USP26: variants seen among roughly 807,000 people sequenced by gnomAD.
USP26 encodes the protein ubiquitin specific peptidase 26.
For synonymous variants in USP26, 236 were observed against 240.6 expected (o/e 0.98, Z 0.18); for missense variants, 649 against 642.3 (o/e 1.01, Z -0.11).
chrX:133,050,080 T>G (rs1302338911), intron 5 of USP26, among the ~76,000 whole-genome samples: 2 of 112,646 alleles, frequency 1.8e-5, no homozygotes, highest in South Asian at 7.3e-4. Context: ...ATTCCTTTTA[T>G]TCTAACTAAC....
chrX:133,035,145 A>G (rs1330960230), intron 5 of USP26, among the ~76,000 whole-genome samples: 2 of 111,813 alleles, frequency 1.8e-5, no homozygotes, highest in Non-Finnish European at 3.8e-5. Context: ...TGGTTAAGTC[A>G]TGATACTGAA....
chrX:133,040,083 G>A (rs2067412883), intron 5 of USP26, among the ~76,000 whole-genome samples: 1 of 111,399 alleles, frequency 9.0e-6, no homozygotes, highest in African/African-American at 3.3e-5. Flanking sequence ...GCCTATGTGT[G>A]TCTTTGCATG....
At chrX:133,045,612 C>T (rs188733042) in intron 5 of USP26, among the ~76,000 whole-genome samples, 34 of 111,704 alleles carry the variant, frequency 3.0e-4, no homozygotes, top group East Asian at 8.5e-4. Flanking sequence ...CCGGGAGGAA[C>T]GAACAACTCC....
intron 5 of USP26, among the ~76,000 whole-genome samples, chrX:133,049,847 T>C (rs1208965914): frequency 8.9e-6 from 1 of 112,233 alleles, no homozygotes; most frequent in Non-Finnish European, 1.9e-5. Flanking sequence ...CACAAGGTGA[T>C]TAATGATGTC....
intron 1 of USP26, among the ~76,000 whole-genome samples, chrX:133,094,410 C>CTTTT (rs150988266): frequency 4.0e-5 from 4 of 100,531 alleles, no homozygotes; most frequent in East Asian, 3.1e-4. Context: ...AAATAGAAAC[C>CTTTT]TTTTTTTTTT....
intron 4 of USP26, among the ~76,000 whole-genome samples, chrX:133,087,011 T>A (rs1462247537): frequency 9.1e-6 from 1 of 110,171 alleles, no homozygotes; most frequent in Non-Finnish European, 1.9e-5. Flanking sequence ...AGCTGGGTAA[T>A]TATTGTATCT....
At chrX:133,038,081 T>G (rs938323744) in intron 5 of USP26, among the ~76,000 whole-genome samples, 4 of 111,298 alleles carry the variant, frequency 3.6e-5, no homozygotes, top group Non-Finnish European at 7.5e-5. Flanking sequence ...GAAAATGGGG[T>G]TTTCTAAATA....
chrX:133,027,614 A>G lies in USP26; in HGVS notation c.607T>C (p.Tyr203His). 1 of 1,210,542 alleles carries G rather than the reference A, an allele frequency of 8.3e-7. No homozygotes were observed. The highest frequency in any genetic ancestry group is 1.8e-5 in the South Asian group (1 of 56,886). Reference sequence around the variant, plus strand: ...GAACAATCTGCCTTGGATTTCTTGTATTCTACAGAATTATTTTCTTTCAAG... The same window carrying G: ...GAACAATCTGCCTTGGATTTCTTGTGTTCTACAGAATTATTTTCTTTCAAG... ...EFLKENNSVEYKKSKADCSRC... is the reference protein window; with the variant it reads ...EFLKENNSVEHKKSKADCSRC... Residue 203 changes from tyrosine to histidine, a missense_variant, in exon 6 of 6, where the codon TAC becomes CAC. Physicochemically the swap from Tyr to His is moderately conservative, Grantham distance 83 (BLOSUM62 2). Coordinates refer to ENST00000511190, the MANE Select transcript of USP26 (RefSeq NM_031907.3).
chrX:133,095,965 G>A (rs1022009949), intron 1 of USP26, among the ~76,000 whole-genome samples: 8 of 107,170 alleles, frequency 7.5e-5, no homozygotes, highest in African/African-American at 2.7e-4. Flanking sequence ...GGCTAGTCTC[G>A]AACTCCTGAC....
intron 5 of USP26, among the ~76,000 whole-genome samples, chrX:133,048,008 T>C (rs887586483): frequency 2.7e-5 from 3 of 111,958 alleles, no homozygotes; most frequent in Non-Finnish European, 5.6e-5. Flanking sequence ...CCTCCCAATC[T>C]GTTTTTCCAC....
chrX:133,095,093 CAAAAAA>C lies in USP26; in HGVS notation c.-393+1931_-393+1936del, dbSNP rs35394795. 3.6e-3 allele frequency among the ~76,000 whole-genome samples: 186 copies of C among 51,228 alleles called. 1 individual carries two copies. The highest frequency in any genetic ancestry group is 0.012 in the African/African-American group (174 of 14,199). The allele number at this position is 51,228 out of a possible 115,157, so 44.5% of individuals were successfully genotyped here. A position where few individuals can be genotyped will look rare whatever the true frequency, so the allele number is the denominator to read the frequency against. The stretch of plus-strand genomic sequence containing the variant: ...CTGGGCGACAGAACAAGACTCTTGT[CAAAAAA>C]AAAAAAAAAAAAGAAAGAAAGAAAG... On this transcript the variant is annotated intron_variant, in intron 1 of 5. Coordinates refer to ENST00000511190, the MANE Select transcript of USP26 (RefSeq NM_031907.3).
At position 133,066,115 on chromosome X, in the gene USP26, C is replaced by A. The variant is rs889403342; in HGVS notation, c.-77+17592G>T. 4.5e-5 allele frequency among the ~76,000 whole-genome samples: 5 copies of A among 111,084 alleles called. 1 individual carries two copies. The highest frequency in any genetic ancestry group is 9.4e-5 in the Non-Finnish European group (5 of 53,051). On this transcript the variant is annotated intron_variant, in intron 5 of 5. Coordinates refer to ENST00000511190, the MANE Select transcript of USP26 (RefSeq NM_031907.3). ...AGAGAGCCAAATCATGAGTGAACTC[C>A]CATTCACAATTGCTACAAAGATAAT...
In USP26 at chrX:133,026,146, A is replaced by T. The variant is rs759273676; in HGVS notation, c.2075T>A (p.Val692Glu). The T allele has an allele frequency of 2.2e-5, 27 of 1,208,288 alleles. No homozygotes were observed. The Admixed American group carries it at 4.2e-4, about 19-fold the overall frequency. Reference protein sequence around the residue: ...TPLSKVDFQTVPENPKRKKYV... With the variant: ...TPLSKVDFQTEPENPKRKKYV... ...TTTCTTTCGTTTTGGATTTTCGGGC[A>T]CTGTTTGAAAGTCAACTTTTGAGAG... Residue 692 changes from valine (V) to glutamate (E), a missense_variant, in exon 6 of 6, where the codon GTG becomes GAG. Physicochemically the swap from Val to Glu is moderately radical, Grantham distance 121. Transcript: ENST00000511190.
In USP26 at chrX:133,025,287, A is replaced by C; in HGVS notation, c.*192T>G. ...TAGGAGAGAAGGATGCTCATCAGCCAGAGCTATGGGATTGAGGTGTCTGTG... is the reference window on the plus strand; with the variant it reads ...TAGGAGAGAAGGATGCTCATCAGCCCGAGCTATGGGATTGAGGTGTCTGTG... On this transcript the variant is annotated 3_prime_UTR_variant, in exon 6 of 6. Coordinates refer to ENST00000511190, the MANE Select transcript of USP26 (RefSeq NM_031907.3). 10 of 570,133 alleles carry C rather than the reference A, an allele frequency of 1.8e-5. No homozygotes were observed. The highest frequency in any genetic ancestry group is 2.7e-5 in the Non-Finnish European group (10 of 369,068). The allele number at this position is 570,133 out of a possible 1,213,427, so 47.0% of individuals were successfully genotyped here. A position where few individuals can be genotyped will look rare whatever the true frequency, so the allele number is the denominator to read the frequency against.
chrX:133,025,411 C>T lies in USP26; in HGVS notation c.*68G>A, dbSNP rs2067341338. 1 of 1,202,658 alleles carries T rather than the reference C, an allele frequency of 8.3e-7. No homozygotes were observed. Among genetic ancestry groups the T allele is most frequent in the African/African-American group, 1.7e-5 (1 of 57,449 alleles). ...TCTCTGGATAAAGTTCACAGTTTTC[C>T]TTCCATGGAGGAAGTGGTATCGAGT... On this transcript the variant is annotated 3_prime_UTR_variant, in exon 6 of 6. Coordinates refer to ENST00000511190, the MANE Select transcript of USP26 (RefSeq NM_031907.3).
rs200578994 is a variant in USP26 at position 133,026,632 on chromosome X, C to A, written c.1589G>T (p.Cys530Phe). The change falls in exon 6 of 6, where the codon TGT becomes TTT. Residue 530 changes from cysteine to phenylalanine, a missense_variant. Transcript: ENST00000511190. ...TTCCTGGTCATTCTTCTTTAATGCA[C>A]AAAACTCATTCAAGCTATAGCGTTT... Reference protein sequence around the residue: ...HLKRYSLNEFCALKKNDQEVI... With the variant: ...HLKRYSLNEFFALKKNDQEVI... The A allele has an allele frequency of 1.2e-5, 14 of 1,204,882 alleles. No individual in the cohort carries two copies. The Admixed American group carries it at 3.1e-4, about 27-fold the overall frequency.
rs1007363118 is a variant in USP26, at chrX:133,023,767, G to T, written c.*1712C>A. Among the ~76,000 whole-genome samples, 2 of 111,642 alleles carry T rather than the reference G, an allele frequency of 1.8e-5. No individual in the cohort carries two copies. The highest frequency in any genetic ancestry group is 3.8e-5 in the Non-Finnish European group (2 of 53,102). ...TGGAATCTGGTTTTCCTCTTACAGG[G>T]TATTACCTACTAATAACTTCCCCAC... On this transcript the variant is annotated 3_prime_UTR_variant, in exon 6 of 6. Coordinates refer to ENST00000511190, the MANE Select transcript of USP26 (RefSeq NM_031907.3).
At chrX:133,071,821 C>T (rs904659344) in intron 5 of USP26, among the ~76,000 whole-genome samples, 2 of 110,847 alleles carry the variant, frequency 1.8e-5, no homozygotes, top group African/African-American at 3.3e-5. Flanking sequence ...CCCTTCATTG[C>T]CTAGAATAAG....
chrX:133,025,485 C>T lies in USP26; in HGVS notation c.2736G>A (p.Lys912=), dbSNP rs200476998. The stretch of plus-strand genomic sequence containing the variant: ...AAGGAGGAGTACGTTCCTCTTATTC[C>T]TTCTGAAGGGTCTCCTCTACCTCCT... ...NSKEVEETLQ[K]E is the part of the protein sequence containing the mutation. The change falls in exon 6 of 6, where the codon AAG becomes AAA. Residue 912 remains lysine (K), a synonymous_variant. Coordinates refer to ENST00000511190, the MANE Select transcript of USP26 (RefSeq NM_031907.3). 8.3e-7 allele frequency: 1 copy of T among 1,209,150 alleles called. No homozygotes were observed. The highest frequency in any genetic ancestry group is 1.1e-6 in the Non-Finnish European group (1 of 894,900).
Sources: gnomAD v4.1 joint callset for allele counts (sites outside exome capture counted in the v4.1 genomes callset) on GRCh38, gnomAD v4.1.1 for gene constraint, MANE v1.5 for transcripts, NCBI Gene and HGNC (gene_info 2026-07-23, HGNC 2026-07-21) for gene names.